Variants in CARF observed in about 807,000 individuals in gnomAD.
CARF encodes calcium responsive transcription factor.
In CARF, 57 loss-of-function variants were observed where a neutral mutation model predicts 82.0. The ratio of observed to expected loss-of-function variants is 0.70; its 90% CI spans 0.56 to 0.87. The LOEUF (loss-of-function observed/expected upper bound fraction) is 0.87. Ranked by LOEUF, CARF falls within the 40% of genes least tolerant of loss-of-function variation. The probability of loss-of-function intolerance (pLI) is 0.00; values close to 1 mark genes in which losing one functional copy is unlikely to be tolerated. For synonymous variants in CARF, 268 were observed against 290.1 expected (o/e 0.92, Z 0.77); for missense variants, 771 against 855.8 (o/e 0.90, Z 1.24).
chr2:202,982,523 T>C, intron 16 of CARF, 82 bp downstream of exon 16: 1 of 1,482,422 alleles, frequency 6.7e-7, no homozygotes, highest in South Asian at 1.2e-5. Flanking sequence ...ATAAAACTAT[T>C]ATTTCTACCC....
Position 202,983,754 on chromosome 2 carries a change from A to C in CARF, c.*130A>C, listed in dbSNP as rs1193964344. 5 of 654,222 alleles carry C rather than the reference A, an allele frequency of 7.6e-6. No homozygotes were observed. The African/African-American group carries it at 9.4e-5, about 12-fold the overall frequency. The allele number at this position is 654,222 out of a possible 1,614,324, so 40.5% of individuals were successfully genotyped here. A position where few individuals can be genotyped will look rare whatever the true frequency, so the allele number is the denominator to read the frequency against. On this transcript the variant is annotated 3_prime_UTR_variant, in exon 17 of 17. Transcript: ENST00000438828. Reference sequence around the variant, plus strand: ...CAGTTTGATGAGAAGCTTTTATTTAAAACTGATATATTTGTTGCCAGTTCC... The same window carrying C: ...CAGTTTGATGAGAAGCTTTTATTTACAACTGATATATTTGTTGCCAGTTCC...
chr2:202,984,280 T>C lies in CARF; in HGVS notation c.*656T>C, dbSNP rs1217441023. On this transcript the variant is annotated 3_prime_UTR_variant, in exon 17 of 17. Coordinates refer to ENST00000438828, the MANE Select transcript of CARF (RefSeq NM_024744.17). The stretch of plus-strand genomic sequence containing the variant: ...CAGTAGTATACTAATGGTTATCTAA[T>C]AGAAATTTAAAGTGTCTTGGTAAGT... The C allele has an allele frequency of 4.6e-5, 7 of 152,218 alleles. No individual in the cohort carries two copies. The highest frequency in any genetic ancestry group is 7.2e-5 in the African/African-American group (3 of 41,462). The allele number at this position is 152,218 out of a possible 1,614,324, so 9.4% of individuals were successfully genotyped here.
chr2:202,925,165 C>G (rs1380264452), intron 3 of CARF: 1 of 320,066 alleles, frequency 3.1e-6, no homozygotes, highest in African/African-American at 2.1e-5. Flanking sequence ...GGAGGACTAT[C>G]AAAAGTGTGA....
chr2:202,959,265 T>C (rs2059197864), intron 8 of CARF, among the ~76,000 whole-genome samples: 2 of 152,228 alleles, frequency 1.3e-5, no homozygotes, highest in South Asian at 4.1e-4. Flanking sequence ...AGAAAAATTA[T>C]AAGCATTTTC....
At position 202,939,320 on chromosome 2, in the gene CARF, C is replaced by T. The variant is rs542727142; in HGVS notation, c.-43-2540C>T. Among the ~76,000 whole-genome samples, 13 of 152,182 alleles carry T rather than the reference C, an allele frequency of 8.5e-5. No homozygotes were observed. The South Asian group carries it at 2.1e-3, about 24-fold the overall frequency. ...TAGTATACCCCTTAACCTATGATGGCGATGGCATTACATCTGGATAAACCC... is the reference window on the plus strand; with the variant it reads ...TAGTATACCCCTTAACCTATGATGGTGATGGCATTACATCTGGATAAACCC... On this transcript the variant is annotated intron_variant, in intron 3 of 16. Coordinates refer to ENST00000438828, the MANE Select transcript of CARF (RefSeq NM_024744.17).
chr2:202,948,224 A>C (rs1180964280), intron 5 of CARF, among the ~76,000 whole-genome samples: 1 of 152,162 alleles, frequency 6.6e-6, no homozygotes, highest in Non-Finnish European at 1.5e-5. Context: ...GTCTGTTTTC[A>C]TACCAGTACC....
intron 3 of CARF, among the ~76,000 whole-genome samples, chr2:202,937,555 A>AT (rs1175438728): frequency 6.6e-6 from 1 of 151,730 alleles, no homozygotes; most frequent in Non-Finnish European, 1.5e-5. Flanking sequence ...TTTGGTGTAT[A>AT]TTTTTTCTCT....
intron 4 of CARF, chr2:202,942,486 G>A (rs2058277842): frequency 2.8e-6 from 2 of 704,828 alleles, no homozygotes; most frequent in Non-Finnish European, 3.5e-6. Context: ...TATATACAGA[G>A]AAAAATCTAT....
intron 13 of CARF, among the ~76,000 whole-genome samples, chr2:202,976,103 A>C (rs1253326356): frequency 6.6e-6 from 1 of 151,822 alleles, no homozygotes; most frequent in Non-Finnish European, 1.5e-5. Context: ...ATACATACAT[A>C]CAGTTCTTCA....
chr2:202,925,822 G>T, intron 3 of CARF: 1 of 189,428 alleles, frequency 5.3e-6, no homozygotes, highest in Non-Finnish European at 1.1e-5. Flanking sequence ...ACAAGAAGCT[G>T]CTGAAAGGCA....
rs1162986076 is a variant in CARF, at chr2:202,971,576, C to T, written c.1169C>T (p.Ser390Leu). Residue 390 changes from serine to leucine, a missense_variant, in exon 12 of 17, where the codon TCA becomes TTA. Physicochemically the swap from Ser to Leu is moderately radical, Grantham distance 145. Transcript: ENST00000438828. ...HELETPCLTL[S>L]PSPFPVSSLE... is the part of the protein sequence containing the mutation. ...TTAGAGACTCCCTGCCTCACTTTGTCACCTTCTCCTTTTCCTGTGTCTTCT... is the reference window on the plus strand; with the variant it reads ...TTAGAGACTCCCTGCCTCACTTTGTTACCTTCTCCTTTTCCTGTGTCTTCT... 4 of 1,613,612 alleles carry T rather than the reference C, an allele frequency of 2.5e-6. No individual in the cohort carries two copies. The highest frequency in any genetic ancestry group is 2.5e-6 in the Non-Finnish European group (3 of 1,179,828).
Position 202,954,963 on chromosome 2 carries a change from G to A in CARF, c.558-711G>A, listed in dbSNP as rs552436711. Among the ~76,000 whole-genome samples, 265 of 151,576 alleles carry A rather than the reference G, an allele frequency of 1.7e-3. 2 individuals carry two copies. Among genetic ancestry groups the A allele is most frequent in the Non-Finnish European group, 1.4e-3 (93 of 67,932 alleles). On this transcript the variant is annotated intron_variant, in intron 7 of 16. Transcript: ENST00000438828. ...TGGGAGGCAGGGCTTGCAGTGAGCC[G>A]AGATTGTGCCACTGTACTCCAGCCT... is the stretch of plus-strand genomic sequence containing the variant.
chr2:202,977,354 T>C, intron 14 of CARF, 22 bp downstream of exon 14: 1 of 1,537,712 alleles, frequency 6.5e-7, no homozygotes. Context: ...TGAATACCTT[T>C]AAAATATAAA....
intron 3 of CARF, among the ~76,000 whole-genome samples, chr2:202,931,506 T>C (rs1692936375): frequency 6.6e-6 from 1 of 152,234 alleles, no homozygotes; most frequent in Non-Finnish European, 1.5e-5. Flanking sequence ...AGCTGTATTA[T>C]GTTCCTTTGG....
chr2:202,922,700 G>A (rs542997008), intron 2 of CARF, among the ~76,000 whole-genome samples: 231 of 152,210 alleles, frequency 1.5e-3, no homozygotes, highest in African/African-American at 5.4e-3. Context: ...AGCTACTTGG[G>A]AGGCTGAGGC....
intron 9 of CARF, 132 bp from the exon 10 acceptor site, chr2:202,966,846 T>TA (rs1476304535): frequency 5.4e-5 from 40 of 744,518 alleles, no homozygotes; most frequent in Admixed American, 1.8e-4. Context: ...AAGTAAGACT[T>TA]ACTAATGTTT....
At chr2:202,965,899 TCA>T (rs1202650181) in intron 9 of CARF, among the ~76,000 whole-genome samples, 2 of 152,208 alleles carry the variant, frequency 1.3e-5, no homozygotes, top group Admixed American at 1.3e-4. Context: ...GTTAATTATC[TCA>T]CAGTTTCTGT....
At chr2:202,959,335 T>A (rs1030447322) in intron 8 of CARF, among the ~76,000 whole-genome samples, 1 of 152,200 alleles carries the variant, frequency 6.6e-6, no homozygotes, top group African/African-American at 2.4e-5. Context: ...CTCTTAACTA[T>A]TATAACGAAA....
chr2:202,982,078 C>CAACCA lies in CARF; in HGVS notation c.1697_1698insACCAA (p.Leu567ProfsTer19). 6.2e-7 allele frequency: 1 copy of CAACCA among 1,612,612 alleles called. No individual in the cohort carries two copies. Among genetic ancestry groups the CAACCA allele is most frequent in the East Asian group, 2.2e-5 (1 of 44,872 alleles). On this transcript the variant is annotated frameshift_variant, in exon 16 of 17. Coordinates refer to ENST00000438828, the MANE Select transcript of CARF (RefSeq NM_024744.17). LOFTEE classifies it high-confidence loss of function. ...ACTCTTTTTGGTTTAAAAGGGTTTGCAGTTACAACCAAGGTACACCTCTCC... is the reference window on the plus strand; with the variant it reads ...ACTCTTTTTGGTTTAAAAGGGTTTGCAACCAAGTTACAACCAAGGTACACCTCTCC...
Sources: gnomAD v4.1 joint callset for allele counts (sites outside exome capture counted in the v4.1 genomes callset) on GRCh38, gnomAD v4.1.1 for gene constraint, MANE v1.5 for transcripts, NCBI Gene and HGNC (gene_info 2026-07-23, HGNC 2026-07-21) for gene names.